The following PRKN variants were observed in gnomAD, a reference collection of about 807,000 sequenced individuals.
PRKN encodes the protein E3 ubiquitin-protein ligase parkin.
Under a neutral mutation model 59.5 loss-of-function variants are expected in PRKN, and 56 were observed. The observed-to-expected ratio is 0.94, with a 90% CI of 0.76 to 1.18. The LOEUF (loss-of-function observed/expected upper bound fraction) is 1.18. Among genes scored for constraint, PRKN ranks in the 50% most tolerant of loss-of-function variants. PRKN has a pLI of 0.00. For missense variants in PRKN, 657 were observed against 596.4 expected, an observed-to-expected ratio of 1.10 and a Z score of -1.06; for synonymous variants, 250 against 222.1, an observed-to-expected ratio of 1.13 and a Z score of -1.12.
chr6:162,492,712 G>C (rs952900907), intron 1 of PRKN, among the ~76,000 whole-genome samples: 1 of 152,132 alleles, frequency 6.6e-6, no homozygotes, highest in Non-Finnish European at 1.5e-5. Flanking sequence ...AGCACTTTGG[G>C]AGGCCAAGGT....
intron 5 of PRKN, among the ~76,000 whole-genome samples, chr6:162,042,610 T>C (rs6918272): frequency 0.038 from 5,752 of 152,166 alleles, 300 homozygotes; most frequent in African/African-American, 0.12. Flanking sequence ...CTTTTAAGCA[T>C]TGAATGCATT....
intron 7 of PRKN, among the ~76,000 whole-genome samples, chr6:161,614,987 G>GAGAGAGAGAC (rs904766064): frequency 4.1e-5 from 6 of 146,470 alleles, no homozygotes; most frequent in Admixed American, 2.7e-4. Context: ...GAGAGAGAGA[G>GAGAGAGAGAC]AGAGAGAGAG....
At chr6:162,709,408 T>C (rs1483401362) in intron 1 of PRKN, among the ~76,000 whole-genome samples, 1 of 151,580 alleles carries the variant, frequency 6.6e-6, no homozygotes, top group Non-Finnish European at 1.5e-5. Flanking sequence ...CTGGGCTACT[T>C]CTCAGGTTGC....
At position 161,377,240 on chromosome 6, in the gene PRKN, T is replaced by A. The variant is rs544816549; in HGVS notation, c.1167+9554A>T. ...TACCGAGCCCTGTGGAGTTGGAGCATCTGTGCAGCAATTGTCATAAGACAG... is the reference window on the plus strand; with the variant it reads ...TACCGAGCCCTGTGGAGTTGGAGCAACTGTGCAGCAATTGTCATAAGACAG... On this transcript the variant is annotated intron_variant, in intron 10 of 11. Transcript: ENST00000366898. The surrounding 1 kb of genome is among the most constrained non-coding windows in gnomAD (Gnocchi z 4.2). Among the ~76,000 whole-genome samples, 10 of 152,322 alleles carry A rather than the reference T, an allele frequency of 6.6e-5. No homozygotes were observed. Among genetic ancestry groups the A allele is most frequent in the Non-Finnish European group, 1.0e-4 (7 of 68,030 alleles).
intron 2 of PRKN, among the ~76,000 whole-genome samples, chr6:162,387,569 GA>G (rs1562723193): frequency 7.4e-6 from 1 of 134,940 alleles, no homozygotes; most frequent in African/African-American, 2.8e-5. Flanking sequence ...GAGAGAGAGA[GA>G]GAGAGAGAGA....
chr6:161,461,244 G>C lies in PRKN; in HGVS notation c.1084-74367C>G, dbSNP rs1333508523. On this transcript the variant is annotated intron_variant, in intron 9 of 11. Coordinates refer to ENST00000366898, the MANE Select transcript of PRKN (RefSeq NM_004562.3). This position sits in a 1 kb window ranked among gnomAD's most constrained non-coding sequence, Gnocchi z 5.1. ...GGTCTGGAGGTCTGAAAAGTACTCA[G>C]TGAGTTCCGGACCCGGAAATGGTTC... is the stretch of plus-strand genomic sequence containing the variant. 6.6e-6 allele frequency among the ~76,000 whole-genome samples: 1 copy of C among 152,164 alleles called. No individual in the cohort carries two copies. Among genetic ancestry groups the C allele is most frequent in the Non-Finnish European group, 1.5e-5 (1 of 68,028 alleles).
intron 2 of PRKN, among the ~76,000 whole-genome samples, chr6:162,319,005 G>T (rs1782869663): frequency 6.6e-6 from 1 of 151,942 alleles, no homozygotes; most frequent in Non-Finnish European, 1.5e-5. Context: ...ACACCAAAAT[G>T]TTTAAGGTGG....
intron 9 of PRKN, among the ~76,000 whole-genome samples, chr6:161,436,335 T>TGGGAGGGCAGAGAGCAGGGGGCGGGAC (rs1788909325): frequency 1.0e-5 from 1 of 99,154 alleles, no homozygotes. Context: ...GGAGGCGGGA[T>TGGGAGGGCAGAGAGCAGGGGGCGGGAC]GGGAGGGCCT....
chr6:162,108,583 C>G (rs1780290113), intron 4 of PRKN, among the ~76,000 whole-genome samples: 1 of 152,076 alleles, frequency 6.6e-6, no homozygotes, highest in Non-Finnish European at 1.5e-5. Flanking sequence ...TTCTAAAGTT[C>G]TCTAACTACC....
At chr6:161,872,776 C>A (rs536048866) in intron 6 of PRKN, among the ~76,000 whole-genome samples, 39 of 152,182 alleles carry the variant, frequency 2.6e-4, no homozygotes, top group African/African-American at 8.7e-4. Context: ...CTGCCTCAGG[C>A]TCTGCTTCCT....
chr6:162,704,348 T>C (rs938827519), intron 1 of PRKN, among the ~76,000 whole-genome samples: 1 of 152,168 alleles, frequency 6.6e-6, no homozygotes, highest in Non-Finnish European at 1.5e-5. Flanking sequence ...GTACTAACCC[T>C]GTCACCTCTC....
At chr6:161,901,193 C>T (rs1004640603) in intron 6 of PRKN, among the ~76,000 whole-genome samples, 9 of 151,968 alleles carry the variant, frequency 5.9e-5, no homozygotes, top group Admixed American at 3.3e-4. Context: ...GCCTTGGCCT[C>T]CCAAAGTGCT....
At chr6:162,043,124 C>T (rs941357396) in intron 5 of PRKN, among the ~76,000 whole-genome samples, 3 of 152,160 alleles carry the variant, frequency 2.0e-5, no homozygotes, top group Non-Finnish European at 4.4e-5. Flanking sequence ...ATAAACCCAT[C>T]AGATCTCGTG....
In PRKN at chr6:162,677,018, G is replaced by A. The variant is rs1779575070; in HGVS notation, c.7+50644C>T. 2.0e-5 allele frequency among the ~76,000 whole-genome samples: 3 copies of A among 147,084 alleles called. No homozygotes were observed. The South Asian group carries it at 6.4e-4, about 32-fold the overall frequency. On this transcript the variant is annotated intron_variant, in intron 1 of 11. Coordinates refer to ENST00000366898, the MANE Select transcript of PRKN (RefSeq NM_004562.3). ...AGAGGTAGCAGTGGGCAGAGACGGT[G>A]CAACTGCACTCCAGCCTGGCCAAGA...
chr6:162,458,644 CTT>C (rs71670667), intron 1 of PRKN, among the ~76,000 whole-genome samples: 14,826 of 137,406 alleles, frequency 0.11, 844 homozygotes, highest in Middle Eastern at 0.17. Context: ...TTTTTGTTGC[CTT>C]TTTTTTTTTT....
chr6:162,020,795 T>C (rs1360853556), intron 5 of PRKN, among the ~76,000 whole-genome samples: 2 of 152,092 alleles, frequency 1.3e-5, no homozygotes, highest in African/African-American at 4.8e-5. Flanking sequence ...AATAGCTCTC[T>C]TTGAATTTTC....
At chr6:162,638,207 T>TGAACTGTAAGA (rs1491184079) in intron 1 of PRKN, among the ~76,000 whole-genome samples, 8 of 151,922 alleles carry the variant, frequency 5.3e-5, no homozygotes, top group Non-Finnish European at 1.2e-4. Context: ...ATATTATCCC[T>TGAACTGTAAGA]ATGTTTATTA....
intron 7 of PRKN, among the ~76,000 whole-genome samples, chr6:161,591,740 C>G (rs1466824322): frequency 6.6e-6 from 1 of 152,074 alleles, no homozygotes; most frequent in African/African-American, 2.4e-5. Context: ...ACTGAATATC[C>G]AATAATTCTG....
At chr6:162,202,555 A>G (rs1164283006) in intron 3 of PRKN, among the ~76,000 whole-genome samples, 2 of 152,218 alleles carry the variant, frequency 1.3e-5, no homozygotes, top group Non-Finnish European at 2.9e-5. Flanking sequence ...GTTTATATTG[A>G]TGTGAAAGTA....
Sources: allele counts gnomAD v4.1 joint callset (sites outside exome capture counted in the v4.1 genomes callset), GRCh38; gene constraint gnomAD v4.1.1; non-coding constraint Gnocchi (gnomAD v3.1); transcripts MANE v1.5; gene names NCBI Gene and HGNC (gene_info 2026-07-23, HGNC 2026-07-21).